The following PDZD2 variants were observed in gnomAD, a reference collection of about 807,000 sequenced individuals.
PDZD2 encodes PDZ domain containing 2.
In PDZD2, 90 loss-of-function variants were observed where a neutral mutation model predicts 220.7. The ratio of observed to expected loss-of-function variants is 0.41; its 90% CI spans 0.34 to 0.49. The LOEUF (loss-of-function observed/expected upper bound fraction) is 0.49. PDZD2 is among the 20% of genes least tolerant of loss of function. PDZD2 has a pLI of 0.28. For synonymous variants in PDZD2, 1,375 were observed against 1,450.5 expected, an observed-to-expected ratio of 0.95 and a Z score of 1.18; for missense variants, 3,174 against 3,608.5, an observed-to-expected ratio of 0.88 and a Z score of 3.08.
intron 2 of PDZD2, among the ~76,000 whole-genome samples, chr5:31,862,101 G>GTTTTTTTTT (rs11417935): frequency 3.8e-5 from 3 of 78,500 alleles, no homozygotes; most frequent in Non-Finnish European, 7.3e-5. Flanking sequence ...TTTTTTTTGG[G>GTTTTTTTTT]TTTTTTTTTT....
At chr5:31,919,624 G>T (rs951871600) in intron 2 of PDZD2, among the ~76,000 whole-genome samples, 3 of 151,296 alleles carry the variant, frequency 2.0e-5, no homozygotes, top group Non-Finnish European at 4.4e-5. Context: ...TGGGATTCAG[G>T]TGTGAGCCAC....
At chr5:32,060,157 C>A (rs192140533) in intron 13 of PDZD2, among the ~76,000 whole-genome samples, 9 of 151,538 alleles carry the variant, frequency 5.9e-5, no homozygotes, top group Admixed American at 5.3e-4. Context: ...TTTAGTTAAT[C>A]ATTAGAGTAA....
At chr5:31,843,587 A>G (rs2150287158) in intron 2 of PDZD2, 1 of 152,108 alleles carries the variant, frequency 6.6e-6, no homozygotes, top group South Asian at 2.1e-4. Context: ...TTTTCTTGAT[A>G]TCATCATGTC....
chr5:32,082,688 T>C (rs912271857), intron 19 of PDZD2, among the ~76,000 whole-genome samples: 1 of 152,210 alleles, frequency 6.6e-6, no homozygotes, highest in Non-Finnish European at 1.5e-5. Context: ...CTGCCTAGTA[T>C]ATGATACACA....
intron 2 of PDZD2, among the ~76,000 whole-genome samples, chr5:31,872,142 GGTGTGTGT>G (rs55806241): frequency 8.8e-5 from 13 of 147,762 alleles, no homozygotes; most frequent in African/African-American, 2.2e-4. Context: ...TAAGGTGAGT[GGTGTGTGT>G]GTGTGTGTGT....
At chr5:31,968,760 A>G (rs1748999295) in intron 2 of PDZD2, among the ~76,000 whole-genome samples, 1 of 152,200 alleles carries the variant, frequency 6.6e-6, no homozygotes, top group Admixed American at 6.5e-5. Flanking sequence ...GTGAAATGGG[A>G]AGTGGCCCTC....
rs56157199 is a variant in PDZD2 at position 32,041,908 on chromosome 5, C to CAAA, written c.1519+4582_1519+4584dup. 1.4e-3 allele frequency among the ~76,000 whole-genome samples: 125 copies of CAAA among 90,944 alleles called. 3 individuals are homozygous for CAAA. Among genetic ancestry groups the CAAA allele is most frequent in the African/African-American group, 2.5e-3 (54 of 21,512 alleles). The allele number at this position is 90,944 out of a possible 152,430, so 59.7% of individuals were successfully genotyped here. A position where few individuals can be genotyped will look rare whatever the true frequency, so the allele number is the denominator to read the frequency against. ...AGGTAAATAAATTTGAAAAAGAAAGCAAAAAAAAAAAAAAAAAACATCAAT... is the reference window on the plus strand; with the variant it reads ...AGGTAAATAAATTTGAAAAAGAAAGCAAAAAAAAAAAAAAAAAAAAACATCAAT... On this transcript the variant is annotated intron_variant, in intron 7 of 24. Transcript: ENST00000438447.
In PDZD2 at chr5:32,072,279, G is replaced by A; in HGVS notation, c.2687G>A (p.Ser896Asn). 6.2e-7 allele frequency: 1 copy of A among 1,614,078 alleles called. No homozygotes were observed. The highest frequency in any genetic ancestry group is 8.5e-7 in the Non-Finnish European group (1 of 1,179,944). Residue 896 changes from serine to asparagine, a missense_variant, in exon 17 of 25, where the codon AGC (serine) becomes AAC (asparagine). Around this residue, in one of 4 missense-constraint regions of PDZD2, gnomAD observed 1,861 missense variants for 2,001.0 expected, o/e 0.93. Transcript: ENST00000438447. ...EDEDHPGSGC[S>N]TSEEGSLPPS... ...GAGGATCACCCGGGAAGTGGCTGCA[G>A]CACGTCGGAGGAGGGCAGCCTGCCT...
At position 31,799,034 on chromosome 5, in the gene PDZD2, C is replaced by T. The variant is rs1402603689; in HGVS notation, c.-215C>T. 4 of 564,006 alleles carry T rather than the reference C, an allele frequency of 7.1e-6. No homozygotes were observed. In the East Asian group the frequency reaches 1.1e-4, roughly 16 times the overall value. The allele number at this position is 564,006 out of a possible 1,614,324, so 34.9% of individuals were successfully genotyped here. On this transcript the variant is annotated 5_prime_UTR_variant, in exon 2 of 25. Coordinates refer to ENST00000438447, the MANE Select transcript of PDZD2 (RefSeq NM_178140.4). ...CTTCCCTCATTGAGCACTCCAGTGC[C>T]ATTGTTCCACAGTTGTTCTAATTGG...
chr5:31,849,458 T>C (rs901377494), intron 2 of PDZD2, among the ~76,000 whole-genome samples: 3 of 152,128 alleles, frequency 2.0e-5, no homozygotes, highest in African/African-American at 7.2e-5. Context: ...TAATAAGTCA[T>C]AGCTATTATT....
intron 10 of PDZD2, among the ~76,000 whole-genome samples, chr5:32,055,080 T>G (rs922226235): frequency 6.6e-6 from 1 of 152,246 alleles, no homozygotes; most frequent in African/African-American, 2.4e-5. Flanking sequence ...ATATCTAGAA[T>G]AGATATACAT....
At chr5:32,044,931 TC>T (rs1402271941) in intron 7 of PDZD2, among the ~76,000 whole-genome samples, 1 of 152,236 alleles carries the variant, frequency 6.6e-6, no homozygotes, top group Non-Finnish European at 1.5e-5. Context: ...TGAAATATGT[TC>T]ATTCTAAAGA....
rs778860707 is a variant in PDZD2 at position 32,074,077 on chromosome 5, G to A, written c.2971G>A (p.Gly991Ser). ...DCISLPGALP[G>S]PIRPLSEDDP... is the part of the protein sequence containing the mutation. ...CATTTCACTCCCAGGGGCCCTCCCG[G>A]GTCCCATCAGGCCTCTGTCAGAGGA... Residue 991 changes from glycine to serine, a missense_variant, in exon 18 of 25, where the codon GGT (glycine) becomes AGT (serine). Gly to Ser is a moderately conservative substitution (Grantham distance 56). Coordinates refer to ENST00000438447, the MANE Select transcript of PDZD2 (RefSeq NM_178140.4). 6.2e-7 allele frequency: 1 copy of A among 1,614,224 alleles called. No homozygotes were observed. Among genetic ancestry groups the A allele is most frequent in the Non-Finnish European group, 8.5e-7 (1 of 1,180,042 alleles).
intron 2 of PDZD2, among the ~76,000 whole-genome samples, chr5:31,802,114 T>C (rs1754427441): frequency 6.6e-6 from 1 of 152,038 alleles, no homozygotes; most frequent in African/African-American, 2.4e-5. Context: ...ACATGTGGTG[T>C]GATGGAGGGA....
intron 5 of PDZD2, among the ~76,000 whole-genome samples, chr5:32,002,636 CA>C (rs746869959): frequency 0.014 from 591 of 41,160 alleles, 11 homozygotes; most frequent in African/African-American, 0.046. Flanking sequence ...AACACACCAC[CA>C]ACACACACAC....
intron 1 of PDZD2, among the ~76,000 whole-genome samples, chr5:31,720,293 G>C (rs1748711595): frequency 1.3e-5 from 2 of 152,194 alleles, no homozygotes; most frequent in South Asian, 4.1e-4. Context: ...TCTGCAAATA[G>C]AATGTGGAAA....
chr5:31,727,033 G>T (rs1181772979), intron 1 of PDZD2, among the ~76,000 whole-genome samples: 1 of 152,046 alleles, frequency 6.6e-6, no homozygotes, highest in South Asian at 2.1e-4. Flanking sequence ...AAGGGTGGGG[G>T]TGCCACACAA....
rs890997 is a variant in PDZD2, at chr5:31,962,776, C to G, written c.477-20379C>G. ...GGGAACAGTGCCACAAGGGAAAACTCTCTTATCAAGGTTTCCTCCCTACCC... is the reference window on the plus strand; with the variant it reads ...GGGAACAGTGCCACAAGGGAAAACTGTCTTATCAAGGTTTCCTCCCTACCC... On this transcript the variant is annotated intron_variant, in intron 2 of 24. Coordinates refer to ENST00000438447, the MANE Select transcript of PDZD2 (RefSeq NM_178140.4). 2.4e-3 allele frequency among the ~76,000 whole-genome samples: 359 copies of G among 152,284 alleles called. 3 individuals are homozygous for G. Among genetic ancestry groups the G allele is most frequent in the East Asian group, 8.3e-3 (43 of 5,178 alleles).
In PDZD2 at chr5:32,057,715, T is replaced by C; in HGVS notation, c.1961T>C (p.Ile654Thr). Residue 654 changes from isoleucine (I) to threonine (T), a missense_variant, in exon 11 of 25, where the codon ATT (isoleucine) becomes ACT (threonine). By Grantham distance (89) the Ile-to-Thr change is moderately conservative. Transcript: ENST00000438447. Reference protein sequence around the residue: ...PIKGLTFQEAIHTFKQIRSGL... With the variant: ...PIKGLTFQEATHTFKQIRSGL... ...AAGGGCTTGACATTTCAAGAAGCCA[T>C]TCATACCTTTAAGGTAACAACATTC... 5.1e-6 allele frequency: 8 copies of C among 1,583,158 alleles called. No homozygotes were observed. Among genetic ancestry groups the C allele is most frequent in the Non-Finnish European group, 6.9e-6 (8 of 1,152,878 alleles).
Sources: gnomAD v4.1 joint callset for allele counts (sites outside exome capture counted in the v4.1 genomes callset) on GRCh38, gnomAD v4.1.1 for gene constraint, gnomAD v4.1.1 regional missense constraint, MANE v1.5 for transcripts, NCBI Gene and HGNC (gene_info 2026-07-23, HGNC 2026-07-21) for gene names.